ROBO1: variants seen among roughly 807,000 people sequenced by gnomAD.
The protein encoded by ROBO1 is roundabout homolog 1.
ROBO1 carries 149 observed loss-of-function variants against 195.9 expected under a neutral mutation model. The observed-to-expected ratio is 0.76, with a 90% CI of 0.67 to 0.87. The LOEUF (loss-of-function observed/expected upper bound fraction) is 0.87, where lower values mean the gene tolerates loss of function less well. Ranked by LOEUF, ROBO1 falls within the 40% of genes least tolerant of loss-of-function variation. The probability of loss-of-function intolerance (pLI) is 0.00; values close to 1 mark genes in which losing one functional copy is unlikely to be tolerated. For synonymous variants in ROBO1, 816 were observed against 733.2 expected (o/e 1.11, Z -1.82); for missense variants, 1,933 against 2,068.3 (o/e 0.93, Z 1.27).
At chr3:79,564,960 A>G (rs1943044275) in intron 2 of ROBO1, among the ~76,000 whole-genome samples, 1 of 152,110 alleles carries the variant, frequency 6.6e-6, no homozygotes, top group African/African-American at 2.4e-5. Flanking sequence ...ATTTTTAGTA[A>G]TGGCAAAAAG....
intron 4 of ROBO1, among the ~76,000 whole-genome samples, chr3:78,780,261 A>T (rs1227013901): frequency 2.0e-5 from 3 of 152,192 alleles, no homozygotes; most frequent in Non-Finnish European, 4.4e-5. Context: ...ATAAAAAAAA[A>T]TTCACATATG....
At chr3:79,335,164 G>C (rs2034613623) in intron 2 of ROBO1, among the ~76,000 whole-genome samples, 1 of 152,092 alleles carries the variant, frequency 6.6e-6, no homozygotes, top group African/African-American at 2.4e-5. Context: ...AAACATTTTA[G>C]ATGTATCAGA....
intron 5 of ROBO1, among the ~76,000 whole-genome samples, chr3:78,739,038 A>C (rs555721181): frequency 3.9e-5 from 6 of 152,290 alleles, no homozygotes; most frequent in South Asian, 4.1e-4. Context: ...ACAACTCAGC[A>C]TAACTTATCT....
intron 4 of ROBO1, among the ~76,000 whole-genome samples, chr3:78,866,065 G>A (rs1427227307): frequency 6.6e-6 from 1 of 152,032 alleles, no homozygotes; most frequent in Non-Finnish European, 1.5e-5. Context: ...TCTGTCTCAT[G>A]TTCATCAAGC....
rs1235589254 is a variant in ROBO1, at chr3:79,262,476, T to A, written c.89-136937A>T. Reference sequence around the variant, plus strand: ...AGAGTACAAGAAAAGAAACTTTTGTTGTTTTAAGACTTTTGATACTATCTG... The same window carrying A: ...AGAGTACAAGAAAAGAAACTTTTGTAGTTTTAAGACTTTTGATACTATCTG... On this transcript the variant is annotated intron_variant, in intron 2 of 30. Coordinates refer to ENST00000464233, the MANE Select transcript of ROBO1 (RefSeq NM_002941.4). Among the ~76,000 whole-genome samples, 3 of 152,152 alleles carry A rather than the reference T, an allele frequency of 2.0e-5. No homozygotes were observed. The East Asian group carries it at 5.8e-4, about 29-fold the overall frequency.
intron 1 of ROBO1, among the ~76,000 whole-genome samples, chr3:79,758,277 A>C (rs1704514766): frequency 6.6e-6 from 1 of 152,242 alleles, no homozygotes; most frequent in African/African-American, 2.4e-5. Flanking sequence ...TTCATTGCAT[A>C]AAATTGGCTA....
intron 4 of ROBO1, among the ~76,000 whole-genome samples, chr3:78,889,185 T>C (rs1358122049): frequency 6.6e-6 from 1 of 152,212 alleles, no homozygotes. Context: ...TGGTAAAATA[T>C]TGTTGTTGTT....
intron 18 of ROBO1, among the ~76,000 whole-genome samples, chr3:78,652,622 A>G (rs933549593): frequency 4.1e-4 from 62 of 152,194 alleles, no homozygotes; most frequent in Non-Finnish European, 5.9e-4. Context: ...AAGAGCCATG[A>G]ATAATCTCTG....
intron 3 of ROBO1, among the ~76,000 whole-genome samples, chr3:78,988,809 G>A (rs1267792977): frequency 6.6e-6 from 1 of 152,146 alleles, no homozygotes; most frequent in South Asian, 2.1e-4. Flanking sequence ...TATAACAGTT[G>A]TATACTAGCC....
intron 4 of ROBO1, among the ~76,000 whole-genome samples, chr3:78,898,516 T>C (rs1298215399): frequency 1.3e-5 from 2 of 149,678 alleles, no homozygotes; most frequent in Non-Finnish European, 3.0e-5. Context: ...GCCTCCCAAG[T>C]AGCTGGGACT....
intron 3 of ROBO1, among the ~76,000 whole-genome samples, chr3:78,952,960 T>C (rs955238517): frequency 2.0e-5 from 3 of 152,054 alleles, no homozygotes; most frequent in Non-Finnish European, 4.4e-5. Flanking sequence ...GTTACCAAAA[T>C]AGACCAAAAG....
intron 4 of ROBO1, among the ~76,000 whole-genome samples, chr3:78,889,711 G>GAA (rs745338257): frequency 2.5e-4 from 12 of 48,106 alleles, no homozygotes; most frequent in African/African-American, 3.2e-4. Flanking sequence ...ATAACTCCAA[G>GAA]AAAAAAAAAA....
chr3:79,494,951 A>C (rs1939650666), intron 2 of ROBO1, among the ~76,000 whole-genome samples: 1 of 152,060 alleles, frequency 6.6e-6, no homozygotes, highest in Non-Finnish European at 1.5e-5. Flanking sequence ...CTAATCCAAT[A>C]TTTCTACACT....
At chr3:79,136,562 G>A (rs965990822) in intron 2 of ROBO1, among the ~76,000 whole-genome samples, 2 of 152,044 alleles carry the variant, frequency 1.3e-5, no homozygotes, top group African/African-American at 4.8e-5. Flanking sequence ...CTAATCAAGA[G>A]GAATGCATGG....
intron 10 of ROBO1, 100 bp from the exon 11 acceptor site, chr3:78,670,401 G>T (rs1222647195): frequency 1.0e-6 from 1 of 969,786 alleles, no homozygotes; most frequent in Non-Finnish European, 1.5e-6. Flanking sequence ...ACAAACTAAA[G>T]ATAATTAAAC....
At chr3:79,212,929 C>A (rs2081992360) in intron 2 of ROBO1, among the ~76,000 whole-genome samples, 1 of 152,098 alleles carries the variant, frequency 6.6e-6, no homozygotes, top group Non-Finnish European at 1.5e-5. Context: ...TTCTTACTTG[C>A]AGTCTGAACG....
chr3:79,669,843 G>A (rs1946581872), intron 1 of ROBO1, among the ~76,000 whole-genome samples: 1 of 151,874 alleles, frequency 6.6e-6, no homozygotes, highest in Non-Finnish European at 1.5e-5. Context: ...TTAACTAAAA[G>A]AAGGTTTTTA....
At chr3:79,592,768 A>G (rs897069402) in intron 1 of ROBO1, among the ~76,000 whole-genome samples, 3 of 152,040 alleles carry the variant, frequency 2.0e-5, no homozygotes, top group African/African-American at 7.2e-5. Flanking sequence ...CATAGTTTAC[A>G]TTAAGGTTTA....
intron 2 of ROBO1, among the ~76,000 whole-genome samples, chr3:79,423,421 G>T (rs1278355860): frequency 6.6e-6 from 1 of 152,090 alleles, no homozygotes; most frequent in Non-Finnish European, 1.5e-5. Flanking sequence ...ATGTTAAATT[G>T]TTATTACACT....
Sources: gnomAD v4.1 joint callset for allele counts (sites outside exome capture counted in the v4.1 genomes callset) on GRCh38, gnomAD v4.1.1 for gene constraint, MANE v1.5 for transcripts, NCBI Gene and HGNC (gene_info 2026-07-23, HGNC 2026-07-21) for gene names.